RAB28: variants seen among roughly 807,000 people sequenced by gnomAD.
The protein encoded by RAB28 is RAB28, member RAS oncogene family.
In RAB28, 24 loss-of-function variants were observed where a neutral mutation model predicts 31.7. That is an observed-to-expected ratio of 0.76 (90% CI 0.55 to 1.06). RAB28 has a LOEUF of 1.06. Among genes scored for constraint, RAB28 ranks in the 50% least tolerant of loss-of-function variants. The pLI is 0.00. For missense variants in RAB28, 254 were observed against 258.5 expected (o/e 0.98, Z 0.12); for synonymous variants, 100 against 90.4 (o/e 1.11, Z -0.60).
intron 4 of RAB28, among the ~76,000 whole-genome samples, chr4:13,413,918 G>C (rs1712598676): frequency 6.6e-6 from 1 of 152,104 alleles, no homozygotes; most frequent in East Asian, 1.9e-4. Flanking sequence ...GTCTTTCTCA[G>C]AGGGAAACTA....
intron 4 of RAB28, among the ~76,000 whole-genome samples, chr4:13,433,707 T>A (rs1713944200): frequency 6.6e-6 from 1 of 152,076 alleles, no homozygotes; most frequent in African/African-American, 2.4e-5. Context: ...ACACTGTTGG[T>A]GGGAACGGAA....
At chr4:13,471,884 T>C (rs891977492) in intron 3 of RAB28, among the ~76,000 whole-genome samples, 1 of 152,034 alleles carries the variant, frequency 6.6e-6, no homozygotes, top group Admixed American at 6.6e-5. Flanking sequence ...AGACAGAAAC[T>C]TTATACAAGT....
At chr4:13,408,405 T>C (rs1165797479) in intron 4 of RAB28, among the ~76,000 whole-genome samples, 8 of 152,194 alleles carry the variant, frequency 5.3e-5, no homozygotes, top group Non-Finnish European at 7.3e-5. Context: ...GCTGCTGGAT[T>C]TGCTTTGCCA....
chr4:13,475,691 A>G (rs1238586390), intron 2 of RAB28, among the ~76,000 whole-genome samples: 1 of 125,682 alleles, frequency 8.0e-6, no homozygotes, highest in Non-Finnish European at 1.6e-5. Context: ...TATCACCATC[A>G]TTACCACAGA....
chr4:13,483,207 T>C lies in RAB28; in HGVS notation c.75+869A>G, dbSNP rs866498959. On this transcript the variant is annotated intron_variant, in intron 1 of 6. Coordinates refer to ENST00000330852, the MANE Select transcript of RAB28 (RefSeq NM_001017979.3). ...AGAGCACGTACCGGGCAGTATTTAC[T>C]CCATTTCAGGAGTTCCACAGCCTTG... Among the ~76,000 whole-genome samples the C allele has an allele frequency of 5.9e-5, 9 of 152,260 alleles. No homozygotes were observed. In the South Asian group the frequency reaches 1.2e-3, roughly 21 times the overall value.
intron 4 of RAB28, among the ~76,000 whole-genome samples, chr4:13,427,249 G>A (rs1180505718): frequency 6.6e-6 from 1 of 152,070 alleles, no homozygotes; most frequent in Admixed American, 6.5e-5. Context: ...AAGACTTAAG[G>A]GCCTTCTTAA....
At chr4:13,410,996 C>T (rs1455686003) in intron 4 of RAB28, among the ~76,000 whole-genome samples, 1 of 151,974 alleles carries the variant, frequency 6.6e-6, no homozygotes, top group African/African-American at 2.4e-5. Flanking sequence ...GGATAAAAGC[C>T]ATCCAGATAC....
intron 4 of RAB28, among the ~76,000 whole-genome samples, chr4:13,401,560 TTAATC>T (rs1477667626): frequency 1.8e-4 from 27 of 152,344 alleles, no homozygotes; most frequent in African/African-American, 6.0e-4. Context: ...ATTTGTTCGT[TTAATC>T]TAAATTGTCA....
intron 4 of RAB28, among the ~76,000 whole-genome samples, chr4:13,438,043 A>G (rs955123693): frequency 3.3e-5 from 5 of 152,188 alleles, no homozygotes; most frequent in African/African-American, 1.2e-4. Flanking sequence ...TGTCATTTGC[A>G]GCAACATTGA....
At chr4:13,424,030 G>A (rs970636030) in intron 4 of RAB28, among the ~76,000 whole-genome samples, 1 of 152,012 alleles carries the variant, frequency 6.6e-6, no homozygotes, top group African/African-American at 2.4e-5. Context: ...GTTAAAAATA[G>A]GCTAAAAACA....
intron 3 of RAB28, among the ~76,000 whole-genome samples, chr4:13,467,990 A>G (rs1410538925): frequency 6.6e-6 from 1 of 151,918 alleles, no homozygotes; most frequent in Non-Finnish European, 1.5e-5. Context: ...ATTTGAGACA[A>G]AGCAGACTTC....
At chr4:13,398,747 C>T (rs1457441412) in intron 4 of RAB28, among the ~76,000 whole-genome samples, 1 of 148,974 alleles carries the variant, frequency 6.7e-6, no homozygotes, top group Non-Finnish European at 1.5e-5. Context: ...CACTGCACTC[C>T]AGCCTGGGTG....
intron 1 of RAB28, among the ~76,000 whole-genome samples, chr4:13,482,113 C>T (rs185840644): frequency 6.6e-6 from 1 of 152,000 alleles, no homozygotes; most frequent in African/African-American, 2.4e-5. Context: ...AGTCAGAGCA[C>T]CATAAAAAAT....
intron 4 of RAB28, among the ~76,000 whole-genome samples, chr4:13,404,009 G>A (rs1327283464): frequency 1.3e-5 from 2 of 152,150 alleles, no homozygotes; most frequent in Non-Finnish European, 2.9e-5. Context: ...AGAAGATGGT[G>A]CTAGTTCAAT....
At chr4:13,433,615 T>G (rs2108933548) in intron 4 of RAB28, among the ~76,000 whole-genome samples, 1 of 151,570 alleles carries the variant, frequency 6.6e-6, no homozygotes, top group East Asian at 1.9e-4. Context: ...TGAAATACAA[T>G]CTCACACCAG....
rs193190411 is a variant in RAB28, at chr4:13,461,654, C to T, written c.262-826G>A. Among the ~76,000 whole-genome samples the T allele has an allele frequency of 1.1e-3, 163 of 152,286 alleles. 2 individuals are homozygous for T. Among genetic ancestry groups the T allele is most frequent in the African/African-American group, 3.5e-3 (147 of 41,576 alleles). ...CTTCCTGCCTCTTATATATCATATT[C>T]CTTTTAATTTATCTCATTATTTTGT... On this transcript the variant is annotated intron_variant, in intron 3 of 6. Transcript: ENST00000330852.
At chr4:13,474,154 G>A (rs11729437) in intron 3 of RAB28, 164 bp downstream of exon 3, 4 of 743,120 alleles carry the variant, frequency 5.4e-6, no homozygotes, top group Non-Finnish European at 9.9e-6. Context: ...ATAATTAGGA[G>A]AGCATGAAAC....
intron 4 of RAB28, among the ~76,000 whole-genome samples, chr4:13,425,119 G>C (rs983080816): frequency 3.9e-5 from 6 of 152,108 alleles, no homozygotes; most frequent in African/African-American, 1.4e-4. Context: ...CCTATCAGCA[G>C]CATTTGACAT....
intron 3 of RAB28, among the ~76,000 whole-genome samples, chr4:13,465,228 T>C (rs1365208466): frequency 6.6e-6 from 1 of 151,762 alleles, no homozygotes; most frequent in East Asian, 1.9e-4. Context: ...TAGGAAGTAT[T>C]TGAAGTAACA....
Sources: allele counts gnomAD v4.1 joint callset (sites outside exome capture counted in the v4.1 genomes callset), GRCh38; gene constraint gnomAD v4.1.1; transcripts MANE v1.5; gene names NCBI Gene and HGNC (gene_info 2026-07-23, HGNC 2026-07-21).